NCBP3: variants seen among roughly 807,000 people sequenced by gnomAD.
NCBP3 encodes nuclear cap-binding protein subunit 3.
NCBP3 carries 20 observed loss-of-function variants against 75.7 expected under a neutral mutation model. The ratio of observed to expected loss-of-function variants is 0.26; its 90% CI spans 0.19 to 0.38. The LOEUF is 0.38. Among genes scored for constraint, NCBP3 ranks in the 10% least tolerant of loss-of-function variants. NCBP3 has a pLI of 1.00. For synonymous variants in NCBP3, 293 were observed against 290.5 expected (o/e 1.01, Z -0.09); for missense variants, 678 against 796.9 (o/e 0.85, Z 1.80).
chr17:3,817,634 A>T (rs1428885717), intron 10 of NCBP3, among the ~76,000 whole-genome samples: 2 of 152,224 alleles, frequency 1.3e-5, no homozygotes, highest in Non-Finnish European at 2.9e-5. Context: ...GTCTCAAAAA[A>T]AAAATAAAAA....
intron 9 of NCBP3, among the ~76,000 whole-genome samples, chr17:3,820,040 C>T (rs1054943355): frequency 6.6e-6 from 1 of 152,140 alleles, no homozygotes; most frequent in Non-Finnish European, 1.5e-5. Flanking sequence ...GCAGCCTTGA[C>T]CTTCCAGGCT....
At chr17:3,839,528 A>G (rs1428482972) in intron 3 of NCBP3, among the ~76,000 whole-genome samples, 1 of 152,148 alleles carries the variant, frequency 6.6e-6, no homozygotes, top group Non-Finnish European at 1.5e-5. Context: ...TTGTAGTTTT[A>G]GTAGAGATGG....
chr17:3,818,214 A>G lies in NCBP3; in HGVS notation c.1310+49T>C. 1 of 1,282,946 alleles carries G rather than the reference A, an allele frequency of 7.8e-7. No homozygotes were observed. The highest frequency in any genetic ancestry group is 1.1e-6 in the Non-Finnish European group (1 of 922,074). The allele number at this position is 1,282,946 out of a possible 1,614,324, so 79.5% of individuals were successfully genotyped here. On this transcript the variant is annotated intron_variant, in intron 10 of 12. Transcript: ENST00000389005. The surrounding 1 kb of genome is among the most constrained non-coding windows in gnomAD (Gnocchi z 4.7). ...TTAGGAGGAATTAAGAAGTTATACTAGTATTTAAAATCAAATTAAAAGCTA... is the reference window on the plus strand; with the variant it reads ...TTAGGAGGAATTAAGAAGTTATACTGGTATTTAAAATCAAATTAAAAGCTA...
Position 3,839,266 on chromosome 17 carries a change from G to A in NCBP3, c.355+834C>T, listed in dbSNP as rs537757510. On this transcript the variant is annotated intron_variant, in intron 3 of 12. Transcript: ENST00000389005. ...ACTGTAAGCGCAGGCTTAAAACTCA[G>A]GGCAGGATTAGTTTAGCTTTCTCTG... 6.6e-5 allele frequency among the ~76,000 whole-genome samples: 10 copies of A among 152,272 alleles called. No individual in the cohort carries two copies. The East Asian group carries it at 1.7e-3, about 26-fold the overall frequency.
In NCBP3 at chr17:3,816,060, C is replaced by G. The variant is rs2053524603; in HGVS notation, c.1465+56G>C. The G allele has an allele frequency of 1.9e-6, 3 of 1,555,420 alleles. No homozygotes were observed. In the South Asian group the frequency reaches 3.6e-5, roughly 19 times the overall value. The stretch of plus-strand genomic sequence containing the variant: ...TTTTACTCAGGAACCTCTCTCTGCC[C>G]CAGTCTGCTTTCCGGAGCTCAGAAT... On this transcript the variant is annotated intron_variant, in intron 11 of 12. Transcript: ENST00000389005.
At position 3,818,724 on chromosome 17, in the gene NCBP3, C is replaced by T. The variant is rs1318905146; in HGVS notation, c.1001-152G>A. ...CTATAATAGTGCCAAATGGACATTA[C>T]TCTGATACTGCAACAGGAGGATGGC... On this transcript the variant is annotated intron_variant, in intron 9 of 12. Transcript: ENST00000389005. This position sits in a 1 kb window ranked among gnomAD's most constrained non-coding sequence, Gnocchi z 4.7. 15 of 809,522 alleles carry T rather than the reference C, an allele frequency of 1.9e-5. No homozygotes were observed. The highest frequency in any genetic ancestry group is 2.5e-5 in the Non-Finnish European group (13 of 516,792). The allele number at this position is 809,522 out of a possible 1,614,324, so 50.1% of individuals were successfully genotyped here.
At chr17:3,827,635 T>G (rs2053811627) in intron 4 of NCBP3, among the ~76,000 whole-genome samples, 1 of 152,264 alleles carries the variant, frequency 6.6e-6, no homozygotes, top group Non-Finnish European at 1.5e-5. Context: ...AGGCTCTCAC[T>G]TCTGTTACTA....
Position 3,846,020 on chromosome 17 carries a change from C to A in NCBP3, c.183+21G>T, listed in dbSNP as rs1352582819. The A allele has an allele frequency of 4.5e-6, 7 of 1,542,458 alleles. No individual in the cohort carries two copies. Among genetic ancestry groups the A allele is most frequent in the Admixed American group, 4.0e-5 (2 of 50,410 alleles). Reference sequence around the variant, plus strand: ...CACTAGCCCCGCGACCTCTTCCTTACCCCCCGACCCCCGCCCGTACCGGGA... The same window carrying A: ...CACTAGCCCCGCGACCTCTTCCTTAACCCCCGACCCCCGCCCGTACCGGGA... On this transcript the variant is annotated intron_variant, in intron 1 of 12. Transcript: ENST00000389005. The surrounding 1 kb of genome is among the most constrained non-coding windows in gnomAD (Gnocchi z 4.6).
rs1225865250 is a variant in NCBP3, at chr17:3,813,118, G to A, written c.1789C>T (p.Arg597Trp). Residue 597 changes from arginine (R) to tryptophan (W), a missense_variant, in exon 13 of 13, where the codon CGG becomes TGG. Arg to Trp is a moderately radical substitution (Grantham distance 101). This residue lies in a region of NCBP3 where 365 missense variants were observed against 392.7 expected (regional missense o/e 0.93). Coordinates refer to ENST00000389005, the MANE Select transcript of NCBP3 (RefSeq NM_001114118.3). Reference sequence around the variant, plus strand: ...TGGAGAGATGGTAAGTTATCTAACCGGCTCTTCTTTTGGCGAGACTGCTCT... The same window carrying A: ...TGGAGAGATGGTAAGTTATCTAACCAGCTCTTCTTTTGGCGAGACTGCTCT... The part of the protein sequence containing the change: ...EKEQSRQKKS[R>W]LDNLPSLQIE... 6 of 1,614,124 alleles carry A rather than the reference G, an allele frequency of 3.7e-6. No individual in the cohort carries two copies. Among genetic ancestry groups the A allele is most frequent in the Non-Finnish European group, 5.1e-6 (6 of 1,180,016 alleles).
intron 1 of NCBP3, among the ~76,000 whole-genome samples, chr17:3,845,413 G>A (rs941619511): frequency 1.3e-5 from 2 of 152,100 alleles, no homozygotes; most frequent in Non-Finnish European, 2.9e-5. Context: ...GCGCGGTAAA[G>A]GAGGGACCAA....
rs181935618 is a variant in NCBP3 at position 3,807,676 on chromosome 17, G to A, written c.*5368C>T. On this transcript the variant is annotated 3_prime_UTR_variant, in exon 13 of 13. Coordinates refer to ENST00000389005, the MANE Select transcript of NCBP3 (RefSeq NM_001114118.3). ...AAATACAACATGAAAATAAAGCATT[G>A]TACGTACATGGCAGAAAAATGACTA... 2.6e-5 allele frequency: 4 copies of A among 152,290 alleles called. No homozygotes were observed. The highest frequency in any genetic ancestry group is 2.6e-4 in the Admixed American group (4 of 15,304). The allele number at this position is 152,290 out of a possible 1,614,324, so 9.4% of individuals were successfully genotyped here.
intron 7 of NCBP3, chr17:3,822,974 T>C (rs1368990536): frequency 2.0e-5 from 3 of 152,222 alleles, no homozygotes; most frequent in African/African-American, 7.2e-5. Flanking sequence ...TCAAAACAGC[T>C]TGAAGGGGCT....
intron 8 of NCBP3, among the ~76,000 whole-genome samples, 181 bp from the exon 9 acceptor site, chr17:3,821,533 C>T (rs963072987): frequency 6.6e-6 from 1 of 152,126 alleles, no homozygotes; most frequent in East Asian, 1.9e-4. Flanking sequence ...AGCAATTCTC[C>T]TGCCTCAGCC....
At chr17:3,832,854 T>G (rs1285138212) in intron 3 of NCBP3, among the ~76,000 whole-genome samples, 2 of 152,202 alleles carry the variant, frequency 1.3e-5, no homozygotes, top group Non-Finnish European at 2.9e-5. Flanking sequence ...CTCAAAGAGT[T>G]AAGAGATGGG....
chr17:3,843,243 CT>C (rs5818919), intron 1 of NCBP3, 92 bp from the exon 2 acceptor site: 53,403 of 674,276 alleles, frequency 0.079, 1 homozygote, highest in South Asian at 0.092. Context: ...TTCTTTTTTC[CT>C]TTTTTTTTTT....
At position 3,805,950 on chromosome 17, in the gene NCBP3, C is replaced by T. The variant is rs2053332301; in HGVS notation, c.*7094G>A. ...CGGCCCCAGCCACCATCCTATTTGA[C>T]TTTCCCCAACAGGCATTCTACCTCA... On this transcript the variant is annotated 3_prime_UTR_variant, in exon 13 of 13. Transcript: ENST00000389005. 6.6e-6 allele frequency: 1 copy of T among 152,388 alleles called. No homozygotes were observed. Among genetic ancestry groups the T allele is most frequent in the Non-Finnish European group, 1.5e-5 (1 of 68,182 alleles). The allele number at this position is 152,388 out of a possible 1,614,324, so 9.4% of individuals were successfully genotyped here. A position where few individuals can be genotyped will look rare whatever the true frequency, so the allele number is the denominator to read the frequency against.
At chr17:3,833,701 T>G (rs2053925480) in intron 3 of NCBP3, among the ~76,000 whole-genome samples, 1 of 152,156 alleles carries the variant, frequency 6.6e-6, no homozygotes, top group Non-Finnish European at 1.5e-5. Context: ...TCTTTCCTGT[T>G]TGCTTTTAAG....
intron 4 of NCBP3, among the ~76,000 whole-genome samples, chr17:3,827,651 C>T (rs2053811845): frequency 6.6e-6 from 1 of 152,180 alleles, no homozygotes; most frequent in South Asian, 2.1e-4. Context: ...TACTAATGTG[C>T]CATGTGGCCT....
chr17:3,841,820 G>A (rs1263436833), intron 2 of NCBP3, among the ~76,000 whole-genome samples: 1 of 118,902 alleles, frequency 8.4e-6, no homozygotes, highest in Admixed American at 8.9e-5. Flanking sequence ...GTGACAGAGT[G>A]AGACTCTGTC....
Sources: allele counts gnomAD v4.1 joint callset (sites outside exome capture counted in the v4.1 genomes callset), GRCh38; gene constraint gnomAD v4.1.1; regional missense constraint gnomAD v4.1.1; non-coding constraint Gnocchi (gnomAD v3.1); transcripts MANE v1.5; gene names NCBI Gene and HGNC (gene_info 2026-07-23, HGNC 2026-07-21).